LGALS3BP: variants seen among roughly 807,000 people sequenced by gnomAD.
LGALS3BP encodes the protein galectin-3-binding protein.
A neutral mutation model predicts 22.9 loss-of-function variants in LGALS3BP; 25 were observed. The ratio of observed to expected loss-of-function variants is 1.09; its 90% confidence interval spans 0.80 to 1.53. LGALS3BP has a LOEUF of 1.53. Among genes scored for constraint, LGALS3BP ranks in the 40% most tolerant of loss-of-function variants. The probability of loss-of-function intolerance (pLI) is 0.00; values close to 1 mark genes in which losing one functional copy is unlikely to be tolerated. For missense variants in LGALS3BP, 718 were observed against 752.0 expected, an observed-to-expected ratio of 0.95 and a Z score of 0.53; for synonymous variants, 335 against 331.1, an observed-to-expected ratio of 1.01 and a Z score of -0.13.
At position 78,975,003 on chromosome 17, in the gene LGALS3BP, A is replaced by C. The variant is rs896809722; in HGVS notation, c.245-184T>G. On this transcript the variant is annotated intron_variant, in intron 3 of 5. Coordinates refer to ENST00000262776, the MANE Select transcript of LGALS3BP (RefSeq NM_005567.4). ...ATTTGTGATTGCAATGTCAGGCCATAAACTTAGCCTTCATGCTTATAAAGC... is the reference window on the plus strand; with the variant it reads ...ATTTGTGATTGCAATGTCAGGCCATCAACTTAGCCTTCATGCTTATAAAGC... 3 of 727,694 alleles carry C rather than the reference A, an allele frequency of 4.1e-6. No homozygotes were observed. The South Asian group carries it at 5.7e-5, about 14-fold the overall frequency. The allele number at this position is 727,694 out of a possible 1,614,324, so 45.1% of individuals were successfully genotyped here.
chr17:78,973,737 C>T lies in LGALS3BP; in HGVS notation c.377-515G>A, dbSNP rs2070695661. Among the ~76,000 whole-genome samples the T allele has an allele frequency of 6.6e-6, 1 of 152,212 alleles. No homozygotes were observed. Among genetic ancestry groups the T allele is most frequent in the Non-Finnish European group, 1.5e-5 (1 of 68,036 alleles). ...GGCTCGGGGGTCAGTGTGGTGCACC[C>T]TCTCCCCTTCTTTGAGCCCCTCTCA... On this transcript the variant is annotated intron_variant, in intron 4 of 5. Transcript: ENST00000262776. This position sits in a 1 kb window ranked among gnomAD's most constrained non-coding sequence, Gnocchi z 5.8.
At chr17:78,974,656 G>A (rs2070703176) in intron 4 of LGALS3BP, 32 bp downstream of exon 4, 1 of 1,603,156 alleles carries the variant, frequency 6.2e-7, no homozygotes, top group Non-Finnish European at 8.5e-7. Context: ...GGGCACACTG[G>A]GGCCTCCGCA....
intron 3 of LGALS3BP, 36 bp downstream of exon 3, chr17:78,975,929 G>A (rs894569243): frequency 1.3e-6 from 2 of 1,524,466 alleles, no homozygotes; most frequent in Admixed American, 1.9e-5. Flanking sequence ...TGTGCTGTGG[G>A]TCTCAGCCTC....
chr17:78,972,796 C>A lies in LGALS3BP; in HGVS notation c.630-92G>T. The A allele has an allele frequency of 2.0e-6, 3 of 1,472,052 alleles. No individual in the cohort carries two copies. Among genetic ancestry groups the A allele is most frequent in the Non-Finnish European group, 2.7e-6 (3 of 1,101,700 alleles). The allele number at this position is 1,472,052 out of a possible 1,614,324, so 91.2% of individuals were successfully genotyped here. A position where few individuals can be genotyped will look rare whatever the true frequency, so the allele number is the denominator to read the frequency against. ...TCCAACACAGCCACCTGAGTGCACA[C>A]AGTGTGGGAGTGAGCATGCGTGTGT... On this transcript the variant is annotated intron_variant, in intron 5 of 5. Transcript: ENST00000262776. This position sits in a 1 kb window ranked among gnomAD's most constrained non-coding sequence, Gnocchi z 5.1.
In LGALS3BP at chr17:78,971,941, G is replaced by A. The variant is rs1224824280; in HGVS notation, c.1393C>T (p.Gln465Ter). 1.9e-6 allele frequency: 3 copies of A among 1,614,174 alleles called. No individual in the cohort carries two copies. The highest frequency in any genetic ancestry group is 2.5e-6 in the Non-Finnish European group (3 of 1,180,034). Residue 465 changes from glutamine to a stop codon, truncating the protein, a stop_gained, in exon 6 of 6, where the codon CAA becomes TAA. Coordinates refer to ENST00000262776, the MANE Select transcript of LGALS3BP (RefSeq NM_005567.4). LOFTEE classifies it low-confidence loss of function (END_TRUNC). This position sits in a 1 kb window ranked among gnomAD's most constrained non-coding sequence, Gnocchi z 5.6. Reference protein sequence around the residue: ...YYPYQSFQTPQHPSFLFQDKR... With the variant: ...YYPYQSFQTP ...TCCTGGAAGAGGAAGCTGGGGTGTT[G>A]TGGAGTCTGGAAGGACTGGTAGGGG...
intron 3 of LGALS3BP, 96 bp from the exon 4 acceptor site, chr17:78,974,915 T>A (rs1322826986): frequency 6.8e-7 from 1 of 1,481,436 alleles, no homozygotes; most frequent in Non-Finnish European, 9.1e-7. Flanking sequence ...CCCGGCCGTG[T>A]GGGTCCATCT....
At position 78,976,108 on chromosome 17, in the gene LGALS3BP, T is replaced by C. The variant is rs1280200568; in HGVS notation, c.101A>G (p.Gln34Arg). 6.2e-7 allele frequency: 1 copy of C among 1,602,164 alleles called. No homozygotes were observed. Among genetic ancestry groups the C allele is most frequent in the South Asian group, 1.1e-5 (1 of 89,122 alleles). ...TCTGTAGAAGATCTCCACGCGGCCC[T>C]GGTTGGTGGCGCCCCCATCGGCCAG... is the stretch of plus-strand genomic sequence containing the variant. ...MRLADGGATNQGRVEIFYRGQ... is the reference protein window; with the variant it reads ...MRLADGGATNRGRVEIFYRGQ... Residue 34 changes from glutamine to arginine, a missense_variant, in exon 3 of 6, where the codon CAG becomes CGG. Coordinates refer to ENST00000262776, the MANE Select transcript of LGALS3BP (RefSeq NM_005567.4). The surrounding 1 kb of genome is among the most constrained non-coding windows in gnomAD (Gnocchi z 4.6).
rs2070693214 is a variant in LGALS3BP at position 78,973,424 on chromosome 17, C to T, written c.377-202G>A. ...CCCCGCCCCTTCCAGCCCTGGGGAA[C>T]AAGAGCAGCTAGGACCTGGCCAAGC... On this transcript the variant is annotated intron_variant, in intron 4 of 5. Transcript: ENST00000262776. The surrounding 1 kb of genome is among the most constrained non-coding windows in gnomAD (Gnocchi z 5.8). The T allele has an allele frequency of 1.6e-6, 1 of 629,304 alleles. No homozygotes were observed. The highest frequency in any genetic ancestry group is 2.3e-5 in the South Asian group (1 of 42,834). The allele number at this position is 629,304 out of a possible 1,614,324, so 39.0% of individuals were successfully genotyped here. A position where few individuals can be genotyped will look rare whatever the true frequency, so the allele number is the denominator to read the frequency against.
Position 78,975,946 on chromosome 17 carries a change from A to C in LGALS3BP, c.244+19T>G. ...TGCTGTGGGTCTCAGCCTCAGTGGA[A>C]GGGGACAGCAGGCCCTACCTTGCCC... On this transcript the variant is annotated intron_variant, in intron 3 of 5. Transcript: ENST00000262776. 1 of 1,578,774 alleles carries C rather than the reference A, an allele frequency of 6.3e-7. No homozygotes were observed. Among genetic ancestry groups the C allele is most frequent in the Non-Finnish European group, 8.6e-7 (1 of 1,162,452 alleles).
Position 78,972,552 on chromosome 17 carries a change from A to C in LGALS3BP, c.782T>G (p.Leu261Arg). 1 of 1,605,972 alleles carries C rather than the reference A, an allele frequency of 6.2e-7. No homozygotes were observed. The highest frequency in any genetic ancestry group is 8.5e-7 in the Non-Finnish European group (1 of 1,174,248). ...LPQDPSFQMP[L>R]DLYAYAVATG... is the part of the protein sequence containing the mutation. ...GGCCACTGCATAGGCATACAGGTCC[A>C]GGGGCATCTGGAACGAGGGGTCCTG... The change falls in exon 6 of 6, where the codon CTG becomes CGG. Residue 261 changes from leucine (L) to arginine (R), a missense_variant. By Grantham distance (102) the Leu-to-Arg change is moderately radical (BLOSUM62 -2). Coordinates refer to ENST00000262776, the MANE Select transcript of LGALS3BP (RefSeq NM_005567.4). The surrounding 1 kb of genome is among the most constrained non-coding windows in gnomAD (Gnocchi z 5.1).
Position 78,971,801 on chromosome 17 carries a change from G to C in LGALS3BP, c.1533C>G (p.Gly511=). The C allele has an allele frequency of 6.2e-7, 1 of 1,614,128 alleles. No individual in the cohort carries two copies. Among genetic ancestry groups the C allele is most frequent in the Non-Finnish European group, 8.5e-7 (1 of 1,180,046 alleles). The change falls in exon 6 of 6, where the codon GGC becomes GGG. Residue 511 remains glycine, a synonymous_variant. Coordinates refer to ENST00000262776, the MANE Select transcript of LGALS3BP (RefSeq NM_005567.4). This position sits in a 1 kb window ranked among gnomAD's most constrained non-coding sequence, Gnocchi z 5.6. ...TTTCGTAGGCAATGGTGCGATCTGA[G>C]CCGCCAGACTTGGTGAGGCCCAGGA... ...LPVLGLTKSG[G]SDRTIAYENK...
chr17:78,971,532 C>G lies in LGALS3BP; in HGVS notation c.*44G>C. The G allele has an allele frequency of 1.3e-6, 2 of 1,562,044 alleles. No homozygotes were observed. Among genetic ancestry groups the G allele is most frequent in the African/African-American group, 2.7e-5 (2 of 73,462 alleles). ...CGAGGAGGGGAGCCTGCAGTGAGGG[C>G]GTCCTGGGGTTCTCCGGTTCTCACC... is the stretch of plus-strand genomic sequence containing the variant. On this transcript the variant is annotated 3_prime_UTR_variant, in exon 6 of 6. Coordinates refer to ENST00000262776, the MANE Select transcript of LGALS3BP (RefSeq NM_005567.4). This position sits in a 1 kb window ranked among gnomAD's most constrained non-coding sequence, Gnocchi z 5.6.
At chr17:78,974,887 C>T in intron 3 of LGALS3BP, 68 bp from the exon 4 acceptor site, 1 of 1,584,108 alleles carries the variant, frequency 6.3e-7, no homozygotes, top group Non-Finnish European at 8.6e-7. Flanking sequence ...CAGCGCGACT[C>T]AGCCCTTTGT....
chr17:78,978,289 G>A (rs145057950), intron 1 of LGALS3BP, among the ~76,000 whole-genome samples: 2 of 152,332 alleles, frequency 1.3e-5, no homozygotes, highest in African/African-American at 2.4e-5. Context: ...ATGAACAAGC[G>A]CCCTGGGAGC....
At chr17:78,978,543 G>A (rs1365465100) in intron 1 of LGALS3BP, among the ~76,000 whole-genome samples, 1 of 152,246 alleles carries the variant, frequency 6.6e-6, no homozygotes, top group Non-Finnish European at 1.5e-5. Context: ...TCTCCTCCCT[G>A]TGTCAATGTC....
Position 78,974,114 on chromosome 17 carries a change from G to T in LGALS3BP, c.376+574C>A, listed in dbSNP as rs550717234. On this transcript the variant is annotated intron_variant, in intron 4 of 5. Transcript: ENST00000262776. ...GGGATTCGACCCGTCCTGCCTTAGGGGCCTCCAACTCCTGGCAAAGGGCAG... is the reference window on the plus strand; with the variant it reads ...GGGATTCGACCCGTCCTGCCTTAGGTGCCTCCAACTCCTGGCAAAGGGCAG... 6.9e-4 allele frequency among the ~76,000 whole-genome samples: 105 copies of T among 152,380 alleles called. 1 individual carries two copies. Among genetic ancestry groups the T allele is most frequent in the African/African-American group, 2.3e-3 (96 of 41,584 alleles).
chr17:78,978,363 C>T (rs563521210), intron 1 of LGALS3BP, among the ~76,000 whole-genome samples: 44 of 152,336 alleles, frequency 2.9e-4, no homozygotes, highest in African/African-American at 1.1e-3. Context: ...TGTGCAGCCA[C>T]CCCTTGTCGG....
At position 78,972,036 on chromosome 17, in the gene LGALS3BP, T is replaced by C; in HGVS notation, c.1298A>G (p.Gln433Arg). Residue 433 changes from glutamine to arginine, a missense_variant, in exon 6 of 6, where the codon CAG becomes CGG. Transcript: ENST00000262776. The surrounding 1 kb of genome is among the most constrained non-coding windows in gnomAD (Gnocchi z 5.1). ...TTTGACCAAAGGCCCCCGTCTGGAC[T>C]GATAGACCAGTTGTGACTTCCGTGC... ...WSARKSQLVYQSRRGPLVKYS... is the reference protein window; with the variant it reads ...WSARKSQLVYRSRRGPLVKYS... 6.2e-7 allele frequency: 1 copy of C among 1,614,122 alleles called. No homozygotes were observed. The highest frequency in any genetic ancestry group is 8.5e-7 in the Non-Finnish European group (1 of 1,180,034).
At chr17:78,978,090 C>A (rs1381030741) in intron 1 of LGALS3BP, among the ~76,000 whole-genome samples, 1 of 152,216 alleles carries the variant, frequency 6.6e-6, no homozygotes, top group Non-Finnish European at 1.5e-5. Context: ...TGACACTGTC[C>A]CCTCAGTTCA....
Sources: gnomAD v4.1 joint callset for allele counts (sites outside exome capture counted in the v4.1 genomes callset) on GRCh38, gnomAD v4.1.1 for gene constraint, Gnocchi (gnomAD v3.1) non-coding constraint, MANE v1.5 for transcripts, NCBI Gene and HGNC (gene_info 2026-07-23, HGNC 2026-07-21) for gene names.